The following LRCH1 variants were observed in gnomAD, a reference collection of about 807,000 sequenced individuals.
LRCH1 encodes leucine rich repeats and calponin homology domain containing 1, also known as leucine-rich repeat and calponin homology domain-containing protein 1.
Under a neutral mutation model 94.9 loss-of-function variants are expected in LRCH1, and 23 were observed. The ratio of observed to expected loss-of-function variants is 0.24; its 90% CI spans 0.17 to 0.34. The LOEUF (loss-of-function observed/expected upper bound fraction) is 0.34. Among genes scored for constraint, LRCH1 ranks in the 10% least tolerant of loss-of-function variants. The pLI is 1.00. For missense variants in LRCH1, 790 were observed against 945.9 expected, an observed-to-expected ratio of 0.84 and a Z score of 2.16; for synonymous variants, 364 against 354.9, an observed-to-expected ratio of 1.03 and a Z score of -0.29.
chr13:46,564,884 A>G (rs924617041), intron 1 of LRCH1, among the ~76,000 whole-genome samples: 24 of 152,204 alleles, frequency 1.6e-4, no homozygotes, highest in African/African-American at 5.8e-4. Context: ...AGTGACTAGT[A>G]GAAAACCTGT....
chr13:46,642,358 C>T (rs957273009), intron 1 of LRCH1, among the ~76,000 whole-genome samples: 2 of 152,186 alleles, frequency 1.3e-5, no homozygotes, highest in African/African-American at 4.8e-5. Flanking sequence ...TCATACAAAC[C>T]TGGATTAGTT....
At chr13:46,621,037 T>A (rs1394844440) in intron 1 of LRCH1, among the ~76,000 whole-genome samples, 1 of 152,236 alleles carries the variant, frequency 6.6e-6, no homozygotes, top group Non-Finnish European at 1.5e-5. Flanking sequence ...TAGAAGACCC[T>A]GCTTTTCATG....
intron 1 of LRCH1, among the ~76,000 whole-genome samples, chr13:46,602,970 A>ATG (rs1555272014): frequency 1.5e-3 from 210 of 136,126 alleles, no homozygotes; most frequent in African/African-American, 4.7e-3. Flanking sequence ...ATGCATACAT[A>ATG]CATGCATGCA....
chr13:46,745,163 G>T (rs1873860515), downstream of LRCH1, among the ~76,000 whole-genome samples: 1 of 152,114 alleles, frequency 6.6e-6, no homozygotes, highest in Admixed American at 6.6e-5. Flanking sequence ...AGATTCTGTT[G>T]GGATTACCCA....
intron 2 of LRCH1, among the ~76,000 whole-genome samples, chr13:46,662,156 T>A (rs1273305285): frequency 6.6e-6 from 1 of 152,080 alleles, no homozygotes. Context: ...TAGGCTTTGG[T>A]AGGTGGTATG....
intron 1 of LRCH1, among the ~76,000 whole-genome samples, chr13:46,627,541 G>T (rs953053492): frequency 2.0e-5 from 3 of 152,174 alleles, no homozygotes; most frequent in Non-Finnish European, 4.4e-5. Context: ...GTGCTCTGTT[G>T]TATCATTATG....
rs146348167 is a variant in LRCH1, at chr13:46,685,055, T to C, written c.686-850T>C. ...TCCTTGAGTGTTTTAAAGCGCAATA[T>C]TCCATCCCTTAACAGATCCCATAAC... On this transcript the variant is annotated intron_variant, in intron 4 of 19. Transcript: ENST00000389797. Among the ~76,000 whole-genome samples the C allele has an allele frequency of 2.8e-4, 43 of 152,306 alleles. 1 individual carries two copies. Among genetic ancestry groups the C allele is most frequent in the African/African-American group, 9.6e-4 (40 of 41,562 alleles).
At chr13:46,694,652 T>C (rs1363524385) in intron 8 of LRCH1, among the ~76,000 whole-genome samples, 7 of 152,208 alleles carry the variant, frequency 4.6e-5, no homozygotes, top group Non-Finnish European at 7.3e-5. Flanking sequence ...ATCTAATTTT[T>C]CTCATAGGGA....
At position 46,613,865 on chromosome 13, in the gene LRCH1, C is replaced by G. The variant is rs560644456; in HGVS notation, c.308-36336C>G. 2.0e-5 allele frequency among the ~76,000 whole-genome samples: 3 copies of G among 152,326 alleles called. No individual in the cohort carries two copies. The South Asian group carries it at 6.2e-4, about 32-fold the overall frequency. On this transcript the variant is annotated intron_variant, in intron 1 of 19. Coordinates refer to ENST00000389797, the MANE Select transcript of LRCH1 (RefSeq NM_001164211.2). ...CTTTTGAAGTGGCCTGATCCAAACACCTTCTTTCCGACATTAAAAACATTA... is the reference window on the plus strand; with the variant it reads ...CTTTTGAAGTGGCCTGATCCAAACAGCTTCTTTCCGACATTAAAAACATTA...
chr13:46,700,928 C>G (rs972977740), intron 10 of LRCH1, among the ~76,000 whole-genome samples, 193 bp from the exon 11 acceptor site: 5 of 152,200 alleles, frequency 3.3e-5, no homozygotes, highest in Non-Finnish European at 5.9e-5. Context: ...TGGGCTTCCC[C>G]TACTCGGGCT....
intron 1 of LRCH1, among the ~76,000 whole-genome samples, chr13:46,640,720 A>T (rs1290811439): frequency 2.0e-5 from 3 of 152,260 alleles, no homozygotes; most frequent in African/African-American, 7.2e-5. Flanking sequence ...ATTCACATCT[A>T]TCTACATGAC....
At chr13:46,701,266 G>T in intron 11 of LRCH1, 59 bp downstream of exon 11, 1 of 1,206,678 alleles carries the variant, frequency 8.3e-7, no homozygotes. Flanking sequence ...AATGTATGGA[G>T]TACATTGTCT....
In LRCH1 at chr13:46,741,763, G is replaced by C. The variant is rs1485093197; in HGVS notation, c.2207G>C (p.Arg736Thr). ...APPPTSALRS[R>T]DLIGFCLVHI... is the part of the protein sequence containing the mutation. ...CCACCAACTTCTGCCCTCCGCTCCA[G>C]GGACCTTATAGGCTTCTGTCTTGTC... The change falls in exon 20 of 20, where the codon AGG becomes ACG. Residue 736 changes from arginine (R) to threonine (T), a missense_variant. Physicochemically the swap from Arg to Thr is moderately conservative, Grantham distance 71 (BLOSUM62 -1). Around this residue, in one of 3 missense-constraint regions of LRCH1, gnomAD observed 460 missense variants for 508.9 expected, o/e 0.90. Transcript: ENST00000389797. The C allele has an allele frequency of 1.2e-6, 2 of 1,614,078 alleles. No homozygotes were observed. The highest frequency in any genetic ancestry group is 1.7e-6 in the Non-Finnish European group (2 of 1,180,042).
At chr13:46,564,612 GC>G (rs922984007) in intron 1 of LRCH1, among the ~76,000 whole-genome samples, 3 of 152,234 alleles carry the variant, frequency 2.0e-5, no homozygotes, top group African/African-American at 7.2e-5. Context: ...AGGCCACTGG[GC>G]CAGGGAGGAA....
intron 1 of LRCH1, among the ~76,000 whole-genome samples, chr13:46,617,867 C>A (rs1180890073): frequency 6.6e-6 from 1 of 152,194 alleles, no homozygotes; most frequent in Middle Eastern, 3.4e-3. Context: ...TGCTTTTGTT[C>A]ATTTGTTTAT....
intron 1 of LRCH1, among the ~76,000 whole-genome samples, chr13:46,561,539 C>T (rs933191549): frequency 2.0e-5 from 3 of 151,798 alleles, no homozygotes; most frequent in Admixed American, 6.5e-5. Flanking sequence ...CTTTGGCACA[C>T]GATGTGTTCC....
intron 18 of LRCH1, among the ~76,000 whole-genome samples, chr13:46,731,557 A>G (rs1271997206): frequency 2.0e-5 from 3 of 152,198 alleles, no homozygotes; most frequent in Non-Finnish European, 4.4e-5. Flanking sequence ...TGCCTAATTT[A>G]CTGACTATAA....
intron 1 of LRCH1, among the ~76,000 whole-genome samples, chr13:46,556,681 A>G (rs988882869): frequency 2.6e-5 from 4 of 152,216 alleles, no homozygotes; most frequent in African/African-American, 9.7e-5. Flanking sequence ...GCTGAAGATT[A>G]TACCTCTACT....
At chr13:46,608,512 G>A (rs893036106) in intron 1 of LRCH1, among the ~76,000 whole-genome samples, 1 of 152,160 alleles carries the variant, frequency 6.6e-6, no homozygotes. Context: ...TTAATAACAA[G>A]TATTTGATAA....
Sources: allele counts gnomAD v4.1 joint callset (sites outside exome capture counted in the v4.1 genomes callset), GRCh38; gene constraint gnomAD v4.1.1; regional missense constraint gnomAD v4.1.1; transcripts MANE v1.5; gene names NCBI Gene and HGNC (gene_info 2026-07-23, HGNC 2026-07-21).